CSGALNACT1: variants seen among roughly 807,000 people sequenced by gnomAD.
The protein encoded by CSGALNACT1 is chondroitin sulfate N-acetylgalactosaminyltransferase 1, also known as beta4GalNAcT-1.
A neutral mutation model predicts 51.0 loss-of-function variants in CSGALNACT1; 52 were observed. That is an observed-to-expected ratio of 1.02 (90% CI 0.82 to 1.29). The LOEUF (loss-of-function observed/expected upper bound fraction) is 1.29, where lower values mean the gene tolerates loss of function less well. Among genes scored for constraint, CSGALNACT1 ranks in the 50% most tolerant of loss-of-function variants. CSGALNACT1 has a pLI of 0.00. For missense variants in CSGALNACT1, 935 were observed against 679.2 expected (o/e 1.38, Z -4.19); for synonymous variants, 341 against 254.4 (o/e 1.34, Z -3.24).
At chr8:19,671,055 G>A (rs1423282761) in intron 1 of CSGALNACT1, among the ~76,000 whole-genome samples, 1 of 152,214 alleles carries the variant, frequency 6.6e-6, no homozygotes, top group Non-Finnish European at 1.5e-5. Flanking sequence ...CTAGAAAGGA[G>A]ACAGAAGCCA....
intron 3 of CSGALNACT1, among the ~76,000 whole-genome samples, chr8:19,562,495 A>T (rs2154098612): frequency 6.6e-6 from 1 of 152,186 alleles, no homozygotes. Flanking sequence ...AAAAAAAAAA[A>T]AAACTACCAT....
At chr8:19,667,112 C>T (rs926557527) in intron 1 of CSGALNACT1, among the ~76,000 whole-genome samples, 1 of 147,610 alleles carries the variant, frequency 6.8e-6, no homozygotes, top group Non-Finnish European at 1.5e-5. Flanking sequence ...AAAGAAATCT[C>T]ATCACAATAT....
At chr8:19,449,911 TG>T (rs2062795340) in intron 5 of CSGALNACT1, among the ~76,000 whole-genome samples, 1 of 151,670 alleles carries the variant, frequency 6.6e-6, no homozygotes, top group Non-Finnish European at 1.5e-5. Context: ...TCTATAGCTT[TG>T]TTATTATGAA....
chr8:19,510,281 A>AAACAATGG (rs2078217065), intron 3 of CSGALNACT1, among the ~76,000 whole-genome samples: 1 of 152,186 alleles, frequency 6.6e-6, no homozygotes, highest in East Asian at 1.9e-4. Flanking sequence ...CTGGGCAACA[A>AAACAATGG]AACAATGGGA....
chr8:19,479,221 A>G (rs1027103846), intron 4 of CSGALNACT1, among the ~76,000 whole-genome samples: 2 of 152,216 alleles, frequency 1.3e-5, no homozygotes, highest in African/African-American at 4.8e-5. Flanking sequence ...CTTCCCTTAT[A>G]TGAAGCTGGA....
chr8:19,496,584 C>G (rs989157683), intron 4 of CSGALNACT1, among the ~76,000 whole-genome samples: 1 of 152,124 alleles, frequency 6.6e-6, no homozygotes, highest in Non-Finnish European at 1.5e-5. Flanking sequence ...CATCCCTTAC[C>G]ACGAAAAAGA....
At chr8:19,621,117 GAAGT>G (rs1203679806) in intron 1 of CSGALNACT1, among the ~76,000 whole-genome samples, 1 of 152,182 alleles carries the variant, frequency 6.6e-6, no homozygotes, top group East Asian at 1.9e-4. Context: ...AAGTGATAAA[GAAGT>G]AACTACTGTA....
chr8:19,429,127 A>G lies in CSGALNACT1; in HGVS notation c.954-8609T>C, dbSNP rs577847249. Among the ~76,000 whole-genome samples, 14 of 152,216 alleles carry G rather than the reference A, an allele frequency of 9.2e-5. No homozygotes were observed. The South Asian group carries it at 1.0e-3, about 11-fold the overall frequency. On this transcript the variant is annotated intron_variant, in intron 6 of 9. Coordinates refer to ENST00000454498, the Ensembl canonical transcript of CSGALNACT1. ...ACTTTCTGTCTTCATGGATTTATGTATAAAGAATATTTCCTATAAATGGGA... is the reference window on the plus strand; with the variant it reads ...ACTTTCTGTCTTCATGGATTTATGTGTAAAGAATATTTCCTATAAATGGGA...
chr8:19,558,651 A>AT (rs781633996), intron 3 of CSGALNACT1, among the ~76,000 whole-genome samples: 2 of 152,194 alleles, frequency 1.3e-5, no homozygotes, highest in Non-Finnish European at 2.9e-5. Context: ...AGTAAAAACT[A>AT]TTCTTAGAAA....
In CSGALNACT1 at chr8:19,704,660, C is replaced by T. The variant is rs571722637; in HGVS notation, c.-297+53190G>A. Among the ~76,000 whole-genome samples the T allele has an allele frequency of 1.9e-4, 29 of 152,228 alleles. No individual in the cohort carries two copies. In the South Asian group the frequency reaches 5.8e-3, roughly 30 times the overall value. ...CATTATTCACAATAAGATATGGAAA[C>T]AATTTAAGTACCCATAGACGGATGG... On this transcript the variant is annotated intron_variant, in intron 1 of 1. Transcript: ENST00000517494.
intron 4 of CSGALNACT1, among the ~76,000 whole-genome samples, chr8:19,465,099 C>G (rs2066372917): frequency 6.6e-6 from 1 of 152,140 alleles, no homozygotes; most frequent in Non-Finnish European, 1.5e-5. Context: ...AACTCACACC[C>G]CCATCAACAG....
intron 1 of CSGALNACT1, among the ~76,000 whole-genome samples, chr8:19,726,608 C>T (rs183563886): frequency 6.6e-6 from 1 of 152,188 alleles, no homozygotes; most frequent in African/African-American, 2.4e-5. Context: ...TCTACTCTCT[C>T]AGCAATTAAA....
At chr8:19,688,581 T>A (rs2061111046) in intron 1 of CSGALNACT1, 1 of 152,198 alleles carries the variant, frequency 6.6e-6, no homozygotes, top group Admixed American at 6.5e-5. Flanking sequence ...ATAGAAACAA[T>A]GCCACCTTAT....
intron 7 of CSGALNACT1, 90 bp from the exon 7 acceptor site, chr8:19,418,840 A>G (rs1343183168): frequency 4.7e-6 from 4 of 859,868 alleles, no homozygotes; most frequent in African/African-American, 1.7e-5. Flanking sequence ...AACACCCCAG[A>G]TATTTGCACC....
chr8:19,668,940 C>T (rs990590581), intron 1 of CSGALNACT1, among the ~76,000 whole-genome samples: 12 of 152,200 alleles, frequency 7.9e-5, no homozygotes, highest in African/African-American at 2.9e-4. Context: ...TTTTGAAATA[C>T]TGTAATAATC....
chr8:19,509,829 C>G (rs1197201423), intron 3 of CSGALNACT1, among the ~76,000 whole-genome samples: 1 of 151,992 alleles, frequency 6.6e-6, no homozygotes, highest in African/African-American at 2.4e-5. Flanking sequence ...CGTGTAATTA[C>G]CAAGCACTAC....
At chr8:19,733,781 A>G (rs1011852240) in intron 1 of CSGALNACT1, among the ~76,000 whole-genome samples, 11 of 152,080 alleles carry the variant, frequency 7.2e-5, no homozygotes, top group Non-Finnish European at 1.2e-4. Context: ...TGCTCATATG[A>G]GTTTTATTTG....
At chr8:19,693,964 C>G (rs1489152617) in intron 1 of CSGALNACT1, among the ~76,000 whole-genome samples, 1 of 150,894 alleles carries the variant, frequency 6.6e-6, no homozygotes, top group Non-Finnish European at 1.5e-5. Context: ...TTTTTTCTTT[C>G]CATGTCTGGT....
chr8:19,705,857 G>T (rs951450803), intron 1 of CSGALNACT1, among the ~76,000 whole-genome samples: 1 of 152,168 alleles, frequency 6.6e-6, no homozygotes, highest in East Asian at 1.9e-4. Context: ...CAACATTCCA[G>T]AATGTTGATG....
Sources: allele counts gnomAD v4.1 joint callset (sites outside exome capture counted in the v4.1 genomes callset), GRCh38; gene constraint gnomAD v4.1.1; transcripts MANE v1.5; gene names NCBI Gene and HGNC (gene_info 2026-07-23, HGNC 2026-07-21).